The following ICA1 variants were observed in gnomAD, a reference collection of about 807,000 sequenced individuals.
ICA1 encodes the protein 69 kDa islet cell autoantigen.
In ICA1, 40 loss-of-function variants were observed where a neutral mutation model predicts 71.0. The ratio of observed to expected loss-of-function variants is 0.56; its 90% CI spans 0.44 to 0.73. ICA1 has a LOEUF of 0.73. ICA1 is among the 30% of genes least tolerant of loss of function. The pLI, the probability that ICA1 is intolerant of heterozygous loss-of-function variation, is 0.00. For synonymous variants in ICA1, 207 were observed against 209.5 expected (o/e 0.99, Z 0.10); for missense variants, 578 against 576.5 (o/e 1.00, Z -0.03).
At chr7:8,126,966 A>G (rs1336245264) in intron 13 of ICA1, among the ~76,000 whole-genome samples, 1 of 142,844 alleles carries the variant, frequency 7.0e-6, no homozygotes, top group East Asian at 2.0e-4. Flanking sequence ...GATGTTGACA[A>G]CCCCTCCAGC....
intron 6 of ICA1, among the ~76,000 whole-genome samples, chr7:8,162,407 G>C (rs1804202049): frequency 6.6e-6 from 1 of 152,210 alleles, no homozygotes; most frequent in East Asian, 1.9e-4. Context: ...ATGCTACACT[G>C]TTGGGCGTTT....
intron 6 of ICA1, among the ~76,000 whole-genome samples, chr7:8,187,179 A>ATAG (rs1323817040): frequency 6.6e-6 from 1 of 152,350 alleles, no homozygotes; most frequent in Admixed American, 6.5e-5. Context: ...CCTAGACGAT[A>ATAG]TAGCACCTAT....
At chr7:8,156,996 T>G (rs1202187161) in intron 8 of ICA1, 120 bp downstream of exon 8, 54 of 1,590,762 alleles carry the variant, frequency 3.4e-5, no homozygotes, top group Non-Finnish European at 4.4e-5. Context: ...GGGGGCACAG[T>G]TCTCTCTTCA....
At chr7:8,147,979 G>C (rs1797613020) in intron 8 of ICA1, among the ~76,000 whole-genome samples, 1 of 152,020 alleles carries the variant, frequency 6.6e-6, no homozygotes, top group Non-Finnish European at 1.5e-5. Context: ...TCAGGTGAAT[G>C]TGCGATTCTA....
At chr7:8,115,745 G>C (rs1327035611) in intron 13 of ICA1, among the ~76,000 whole-genome samples, 1 of 152,236 alleles carries the variant, frequency 6.6e-6, no homozygotes, top group African/African-American at 2.4e-5. Flanking sequence ...AACAGAGCTA[G>C]AGCTGCAAAC....
At chr7:8,160,067 C>T (rs763530252) in intron 6 of ICA1, among the ~76,000 whole-genome samples, 1 of 152,010 alleles carries the variant, frequency 6.6e-6, no homozygotes, top group East Asian at 1.9e-4. Flanking sequence ...AGCAACCTGG[C>T]GCAAAGCAGG....
Position 8,198,499 on chromosome 7 carries a change from C to T in ICA1, c.579+19806G>A, listed in dbSNP as rs190348800. On this transcript the variant is annotated intron_variant, in intron 6 of 13. Coordinates refer to ENST00000402384, the MANE Select transcript of ICA1 (RefSeq NM_001136020.3). Reference sequence around the variant, plus strand: ...GGCCTTGGCAGTTACTTTGCAGAGACGTTGATGTGGTTGGATTTGGGTTTC... The same window carrying T: ...GGCCTTGGCAGTTACTTTGCAGAGATGTTGATGTGGTTGGATTTGGGTTTC... 1.9e-4 allele frequency among the ~76,000 whole-genome samples: 29 copies of T among 152,162 alleles called. No individual in the cohort carries two copies. In the East Asian group the frequency reaches 4.8e-3, roughly 25 times the overall value.
chr7:8,125,533 C>A (rs1210642798), intron 13 of ICA1, among the ~76,000 whole-genome samples: 2 of 152,260 alleles, frequency 1.3e-5, no homozygotes, highest in Non-Finnish European at 2.9e-5. Flanking sequence ...AGCCCCAACA[C>A]TCCATTATCC....
intron 1 of ICA1, among the ~76,000 whole-genome samples, chr7:8,237,965 G>C (rs139150283): frequency 1.6e-4 from 25 of 152,110 alleles, no homozygotes; most frequent in African/African-American, 5.1e-4. Flanking sequence ...TCATTGACAG[G>C]TTCTTGGAAG....
chr7:8,253,935 T>C (rs1183995938), intron 1 of ICA1, among the ~76,000 whole-genome samples: 10 of 152,222 alleles, frequency 6.6e-5, no homozygotes, highest in Non-Finnish European at 1.5e-5. Flanking sequence ...GTAAGCATAA[T>C]ATCAGCCATC....
intron 6 of ICA1, among the ~76,000 whole-genome samples, chr7:8,174,630 C>CA (rs1238396615): frequency 2.0e-5 from 3 of 150,722 alleles, no homozygotes; most frequent in Admixed American, 6.6e-5. Flanking sequence ...CGGGTTTCTA[C>CA]AAAAAAATAA....
rs571736069 is a variant in ICA1, at chr7:8,195,076, C to T, written c.579+23229G>A. On this transcript the variant is annotated intron_variant, in intron 6 of 13. Transcript: ENST00000402384. ...AAGTGGCAAAATATATGAATAGATA[C>T]TTCACCAAAGATGACATACAGATGG... Among the ~76,000 whole-genome samples the T allele has an allele frequency of 2.0e-5, 3 of 152,282 alleles. No individual in the cohort carries two copies. The South Asian group carries it at 6.2e-4, about 32-fold the overall frequency.
intron 8 of ICA1, among the ~76,000 whole-genome samples, chr7:8,155,869 G>A (rs1801307676): frequency 1.3e-5 from 2 of 152,190 alleles, no homozygotes; most frequent in Non-Finnish European, 2.9e-5. Flanking sequence ...CCAGTGTGAA[G>A]GGGAAGGCTG....
chr7:8,195,776 G>C (rs888458868), intron 6 of ICA1, among the ~76,000 whole-genome samples: 2 of 152,036 alleles, frequency 1.3e-5, no homozygotes, highest in Admixed American at 6.5e-5. Flanking sequence ...TCAGGAGTTC[G>C]AGACCAGCCT....
chr7:8,168,032 G>A (rs113359776), intron 6 of ICA1, among the ~76,000 whole-genome samples: 1 of 115,776 alleles, frequency 8.6e-6, no homozygotes, highest in Non-Finnish European at 2.1e-5. Flanking sequence ...GAAAAAGAGG[G>A]AGAGAGAGAG....
intron 1 of ICA1, among the ~76,000 whole-genome samples, chr7:8,248,338 CA>C (rs1362859099): frequency 6.6e-6 from 1 of 150,950 alleles, no homozygotes; most frequent in East Asian, 2.0e-4. Flanking sequence ...TTAGTTTATT[CA>C]ACATTTCTAT....
intron 6 of ICA1, among the ~76,000 whole-genome samples, chr7:8,194,488 C>T (rs1786744656): frequency 6.6e-6 from 1 of 152,164 alleles, no homozygotes. Context: ...AAAATTCTTA[C>T]CATTTTAGCT....
intron 6 of ICA1, among the ~76,000 whole-genome samples, chr7:8,185,532 G>A (rs1023036990): frequency 1.3e-5 from 2 of 152,186 alleles, no homozygotes; most frequent in African/African-American, 4.8e-5. Context: ...TTGGGCCTAC[G>A]GAATCAGAAA....
intron 1 of ICA1, among the ~76,000 whole-genome samples, chr7:8,253,445 T>A (rs1049573654): frequency 3.9e-5 from 6 of 152,208 alleles, no homozygotes; most frequent in African/African-American, 1.2e-4. Context: ...GACAATGTGA[T>A]GTAATATATA....
Sources: allele counts gnomAD v4.1 joint callset (sites outside exome capture counted in the v4.1 genomes callset), GRCh38; gene constraint gnomAD v4.1.1; transcripts MANE v1.5; gene names NCBI Gene and HGNC (gene_info 2026-07-23, HGNC 2026-07-21).